KCTD8: variants seen among roughly 807,000 people sequenced by gnomAD.
KCTD8 encodes the protein BTB/POZ domain-containing protein KCTD8.
KCTD8 carries 27 observed loss-of-function variants against 31.5 expected under a neutral mutation model. The observed-to-expected ratio is 0.86, with a 90% CI of 0.63 to 1.18. The LOEUF (loss-of-function observed/expected upper bound fraction) is 1.18. Among genes scored for constraint, KCTD8 ranks in the 50% most tolerant of loss-of-function variants. KCTD8 has a pLI of 0.00. For synonymous variants in KCTD8, 290 were observed against 280.0 expected (o/e 1.04, Z -0.36); for missense variants, 658 against 647.7 (o/e 1.02, Z -0.17).
chr4:44,404,154 A>G (rs1232731174), intron 1 of KCTD8, among the ~76,000 whole-genome samples: 1 of 152,184 alleles, frequency 6.6e-6, no homozygotes, highest in African/African-American at 2.4e-5. Context: ...ATCGAAAAAC[A>G]TGTAGACTCC....
chr4:44,446,146 G>C (rs945910780), intron 1 of KCTD8, among the ~76,000 whole-genome samples: 2 of 152,162 alleles, frequency 1.3e-5, no homozygotes, highest in African/African-American at 4.8e-5. Context: ...GCTGTGGTTT[G>C]TCACCCAACT....
At chr4:44,375,411 G>T (rs552228483) in intron 1 of KCTD8, among the ~76,000 whole-genome samples, 2 of 152,076 alleles carry the variant, frequency 1.3e-5, no homozygotes, top group Non-Finnish European at 2.9e-5. Flanking sequence ...GAAGGGGGTG[G>T]AGGAACAGGA....
chr4:44,371,972 CT>C (rs1719797640), intron 1 of KCTD8, among the ~76,000 whole-genome samples: 1 of 152,116 alleles, frequency 6.6e-6, no homozygotes, highest in African/African-American at 2.4e-5. Context: ...TTACATTTTT[CT>C]GATCCTCTAC....
At chr4:44,228,610 T>A (rs1715032147) in intron 1 of KCTD8, among the ~76,000 whole-genome samples, 3 of 152,198 alleles carry the variant, frequency 2.0e-5, no homozygotes, top group Admixed American at 6.5e-5. Flanking sequence ...GCTCTTTGCA[T>A]CTCTGGCTTT....
intron 1 of KCTD8, among the ~76,000 whole-genome samples, chr4:44,433,419 C>T (rs1368006944): frequency 6.6e-6 from 1 of 151,748 alleles, no homozygotes. Flanking sequence ...CACTTGGTTT[C>T]CCAGTTTCTT....
Position 44,227,816 on chromosome 4 carries a change from T to C in KCTD8, c.962-52566A>G, listed in dbSNP as rs181872466. ...CTACAAGTACTGTCACTTTTATTCT[T>C]AAAATATATATCAAATATTTACATC... On this transcript the variant is annotated intron_variant, in intron 1 of 1. Coordinates refer to ENST00000360029, the MANE Select transcript of KCTD8 (RefSeq NM_198353.3). Among the ~76,000 whole-genome samples, 7 of 152,306 alleles carry C rather than the reference T, an allele frequency of 4.6e-5. No homozygotes were observed. The East Asian group carries it at 1.2e-3, about 25-fold the overall frequency.
At chr4:44,223,626 T>C (rs190985006) in intron 1 of KCTD8, among the ~76,000 whole-genome samples, 183 of 152,344 alleles carry the variant, frequency 1.2e-3, no homozygotes, top group African/African-American at 3.9e-3. Context: ...CCTAGTCTAG[T>C]GGCAGAGTAA....
intron 1 of KCTD8, among the ~76,000 whole-genome samples, chr4:44,337,682 T>A (rs61590463): frequency 0.88 from 129,425 of 146,842 alleles, 57,083 homozygotes; most frequent in East Asian, 1. Context: ...TCAAAAAATA[T>A]ATATATATAT....
intron 1 of KCTD8, among the ~76,000 whole-genome samples, chr4:44,419,617 C>T (rs1435136216): frequency 6.6e-6 from 1 of 151,918 alleles, no homozygotes; most frequent in Non-Finnish European, 1.5e-5. Context: ...AAGCAAACAC[C>T]GCATGTTCTC....
At chr4:44,217,630 G>A (rs907828815) in intron 1 of KCTD8, among the ~76,000 whole-genome samples, 1 of 152,122 alleles carries the variant, frequency 6.6e-6, no homozygotes, top group Non-Finnish European at 1.5e-5. Context: ...AGTGTGAGTG[G>A]GCACCAACCA....
chr4:44,358,741 T>C (rs1396790826), intron 1 of KCTD8, among the ~76,000 whole-genome samples: 1 of 152,084 alleles, frequency 6.6e-6, no homozygotes, highest in East Asian at 1.9e-4. Context: ...GTTAATTTTT[T>C]TGTATTTTTA....
intron 1 of KCTD8, among the ~76,000 whole-genome samples, chr4:44,250,084 C>T (rs1316929350): frequency 6.6e-6 from 1 of 151,768 alleles, no homozygotes; most frequent in Non-Finnish European, 1.5e-5. Flanking sequence ...ATTCTAACAG[C>T]ATGGCTCTGG....
intron 1 of KCTD8, among the ~76,000 whole-genome samples, chr4:44,236,680 A>C (rs1468519703): frequency 6.6e-6 from 1 of 152,182 alleles, no homozygotes; most frequent in East Asian, 1.9e-4. Flanking sequence ...GTGTGTCTAC[A>C]TGGAGGACCA....
At chr4:44,411,342 C>A (rs1408489487) in intron 1 of KCTD8, among the ~76,000 whole-genome samples, 2 of 135,580 alleles carry the variant, frequency 1.5e-5, no homozygotes, top group African/African-American at 5.6e-5. Flanking sequence ...TGTGCCACTG[C>A]ACTCCAACTT....
chr4:44,206,348 C>T (rs996020738), intron 1 of KCTD8, among the ~76,000 whole-genome samples: 4 of 152,234 alleles, frequency 2.6e-5, no homozygotes, highest in East Asian at 1.9e-4. Context: ...TTATGGCCAA[C>T]GTTTCCTACA....
intron 1 of KCTD8, among the ~76,000 whole-genome samples, chr4:44,315,346 C>T (rs147364891): frequency 3.7e-4 from 56 of 151,970 alleles, no homozygotes; most frequent in African/African-American, 1.3e-3. Flanking sequence ...TCTGTAAATA[C>T]GCATCCTAAA....
chr4:44,299,053 A>T (rs140800990), intron 1 of KCTD8, among the ~76,000 whole-genome samples: 1 of 152,326 alleles, frequency 6.6e-6, no homozygotes, highest in African/African-American at 2.4e-5. Flanking sequence ...GGTTAGAAAT[A>T]TTGCTAAAAC....
At chr4:44,258,811 A>G (rs1716075072) in intron 1 of KCTD8, among the ~76,000 whole-genome samples, 1 of 151,836 alleles carries the variant, frequency 6.6e-6, no homozygotes, top group African/African-American at 2.4e-5. Flanking sequence ...CTCTCAGGCT[A>G]GATTGCTTGG....
At chr4:44,437,719 T>C (rs1448727901) in intron 1 of KCTD8, among the ~76,000 whole-genome samples, 1 of 152,166 alleles carries the variant, frequency 6.6e-6, no homozygotes, top group Non-Finnish European at 1.5e-5. Context: ...ACAATACTTA[T>C]GGCACTACAT....
Sources: allele counts gnomAD v4.1 joint callset (sites outside exome capture counted in the v4.1 genomes callset), GRCh38; gene constraint gnomAD v4.1.1; transcripts MANE v1.5; gene names NCBI Gene and HGNC (gene_info 2026-07-23, HGNC 2026-07-21).